Variants in UBXN8 observed in about 807,000 individuals in gnomAD.
UBXN8 encodes UBX domain protein 8.
UBXN8 carries 27 observed loss-of-function variants against 32.1 expected under a neutral mutation model. The observed-to-expected ratio is 0.84, with a 90% CI of 0.62 to 1.16. The LOEUF (loss-of-function observed/expected upper bound fraction) is 1.16, where lower values mean the gene tolerates loss of function less well. Ranked by LOEUF, UBXN8 falls within the 50% of genes most tolerant of loss-of-function variation. The pLI, the probability that UBXN8 is intolerant of heterozygous loss-of-function variation, is 0.00. For missense variants in UBXN8, 306 were observed against 311.4 expected (o/e 0.98, Z 0.13); for synonymous variants, 109 against 111.8 (o/e 0.98, Z 0.16).
At chr8:30,742,554 G>A (rs1489045525), upstream of UBXN8, among the ~76,000 whole-genome samples, 3 of 152,016 alleles carry the variant, frequency 2.0e-5, no homozygotes, top group Non-Finnish European at 2.9e-5. Context: ...GTTGCCCAGA[G>A]GGGTCTCGAA....
At chr8:30,732,313 C>G (rs558680075), upstream of UBXN8, 3 of 398,322 alleles carry the variant, frequency 7.5e-6, no homozygotes, top group African/African-American at 6.2e-5. Context: ...ACTCCGGCAC[C>G]TGGAGGACTG....
chr8:30,766,594 T>G lies in UBXN8; in HGVS notation c.*200T>G, dbSNP rs1806014168. The G allele has an allele frequency of 5.2e-6, 2 of 381,080 alleles. No homozygotes were observed. The highest frequency in any genetic ancestry group is 1.5e-4 in the South Asian group (2 of 13,726). The allele number at this position is 381,080 out of a possible 1,614,324, so 23.6% of individuals were successfully genotyped here. On this transcript the variant is annotated 3_prime_UTR_variant, in exon 8 of 8. Transcript: ENST00000265616. ...ATCTGTGGACTGTGCCATTTTACAGTGTACCAAATGAGAATGAGGTTGAAA... is the reference window on the plus strand; with the variant it reads ...ATCTGTGGACTGTGCCATTTTACAGGGTACCAAATGAGAATGAGGTTGAAA...
rs771180378 is a variant in UBXN8 at position 30,754,696 on chromosome 8, C to T, written c.314C>T (p.Pro105Leu). The T allele has an allele frequency of 9.0e-6, 14 of 1,561,700 alleles. No individual in the cohort carries two copies. The highest frequency in any genetic ancestry group is 1.7e-4 in the Middle Eastern group (1 of 5,922). ...ASRYIENVLK[P>L]HQEMKLRKLE... ...AGATACATAGAGAATGTTTTAAAAC[C>T]TCACCAGGAAATGAAATTGAGAAAA... The change falls in exon 4 of 8, where the codon CCT becomes CTT. Residue 105 changes from proline to leucine, a missense_variant. By Grantham distance (98) the Pro-to-Leu change is moderately conservative. Coordinates refer to ENST00000265616, the MANE Select transcript of UBXN8 (RefSeq NM_005671.4).
chr8:30,766,561 A>G lies in UBXN8; in HGVS notation c.*167A>G. On this transcript the variant is annotated 3_prime_UTR_variant, in exon 8 of 8. Transcript: ENST00000265616. ...GGATTAGAAAAGGATTGCTTTCTAT[A>G]TATAATAATCTGTGGACTGTGCCAT... 3.0e-6 allele frequency: 2 copies of G among 659,786 alleles called. No individual in the cohort carries two copies. Among genetic ancestry groups the G allele is most frequent in the Non-Finnish European group, 4.6e-6 (2 of 434,722 alleles). 40.9% of individuals were successfully genotyped at this position (659,786 alleles called of 1,614,324 possible).
At chr8:30,747,894 C>CTTTTTTTTT (rs67334347) in intron 1 of UBXN8, among the ~76,000 whole-genome samples, 103 of 35,626 alleles carry the variant, frequency 2.9e-3, no homozygotes, top group Non-Finnish European at 3.8e-3. Context: ...TATATTTTTT[C>CTTTTTTTTT]TTTTTTTTTT....
At chr8:30,729,692 T>TA (rs753209620), upstream of UBXN8, among the ~76,000 whole-genome samples, 3 of 152,196 alleles carry the variant, frequency 2.0e-5, no homozygotes, top group Non-Finnish European at 4.4e-5. Flanking sequence ...AGAAGGGATT[T>TA]AATGGCGACT....
At chr8:30,743,661 G>A (rs371317405), upstream of UBXN8, among the ~76,000 whole-genome samples, 65 of 152,212 alleles carry the variant, frequency 4.3e-4, no homozygotes, top group African/African-American at 1.5e-3. Flanking sequence ...GTGCGTGTTA[G>A]GGGGCAGGTA....
intron 5 of UBXN8, among the ~76,000 whole-genome samples, chr8:30,757,516 C>A (rs1805695194): frequency 6.6e-6 from 1 of 151,812 alleles, no homozygotes; most frequent in Middle Eastern, 3.4e-3. Flanking sequence ...TGCACCATTG[C>A]ACTCCAGCCT....
At chr8:30,758,129 C>A (rs1266053986) in intron 5 of UBXN8, among the ~76,000 whole-genome samples, 2 of 152,104 alleles carry the variant, frequency 1.3e-5, no homozygotes, top group Non-Finnish European at 2.9e-5. Context: ...ATCTCCTGAC[C>A]ACGTGATCCG....
At chr8:30,760,767 GAAGAA>G in intron 5 of UBXN8, 116 bp from the exon 6 acceptor site, 1 of 647,514 alleles carries the variant, frequency 1.5e-6, no homozygotes. Flanking sequence ...ATAGATGTAT[GAAGAA>G]AAGATATAAG....
At chr8:30,731,029 C>G (rs1804938775), upstream of UBXN8, among the ~76,000 whole-genome samples, 1 of 152,174 alleles carries the variant, frequency 6.6e-6, no homozygotes, top group Non-Finnish European at 1.5e-5. Flanking sequence ...GGAAGGGGGG[C>G]CCCGGGAAAG....
intron 1 of UBXN8, among the ~76,000 whole-genome samples, chr8:30,749,473 C>T (rs1307587069): frequency 1.3e-5 from 2 of 151,606 alleles, no homozygotes; most frequent in Non-Finnish European, 2.9e-5. Flanking sequence ...GCATGTAAAT[C>T]GTAATTTTAC....
chr8:30,740,178 C>T (rs373388994), upstream of UBXN8, among the ~76,000 whole-genome samples: 3 of 151,834 alleles, frequency 2.0e-5, no homozygotes, highest in Admixed American at 6.6e-5. Flanking sequence ...AGGCATGAGC[C>T]GCCACGGTCA....
intron 5 of UBXN8, among the ~76,000 whole-genome samples, chr8:30,757,530 C>G (rs9773192): frequency 0.026 from 3,872 of 151,214 alleles, 167 homozygotes; most frequent in African/African-American, 0.09. Flanking sequence ...CCAGCCTGGA[C>G]AACAGTAGTG....
upstream of UBXN8, among the ~76,000 whole-genome samples, chr8:30,729,237 G>C (rs907554819): frequency 1.3e-5 from 2 of 152,234 alleles, no homozygotes; most frequent in Non-Finnish European, 2.9e-5. Flanking sequence ...CAATTGCCCC[G>C]GTGGAACGCC....
chr8:30,765,519 G>T (rs533856976), intron 7 of UBXN8, among the ~76,000 whole-genome samples: 1 of 123,690 alleles, frequency 8.1e-6, no homozygotes. Flanking sequence ...TATATGTTTC[G>T]GGAAAAAAAA....
At chr8:30,741,293 G>A (rs534505939), upstream of UBXN8, among the ~76,000 whole-genome samples, 1 of 152,156 alleles carries the variant, frequency 6.6e-6, no homozygotes, top group South Asian at 2.1e-4. Context: ...GGCTGAGGCA[G>A]GAGGACTGCT....
upstream of UBXN8, among the ~76,000 whole-genome samples, chr8:30,741,889 T>G (rs1290064234): frequency 6.6e-6 from 1 of 152,214 alleles, no homozygotes; most frequent in Non-Finnish European, 1.5e-5. Flanking sequence ...TGGCTTCCCA[T>G]ATGTTAAGAC....
chr8:30,761,680 C>T (rs1323943184), intron 6 of UBXN8, among the ~76,000 whole-genome samples: 1 of 151,632 alleles, frequency 6.6e-6, no homozygotes, highest in Non-Finnish European at 1.5e-5. Context: ...CAAGACCAGC[C>T]TGGGCAACAT....
Sources: gnomAD v4.1 joint callset for allele counts (sites outside exome capture counted in the v4.1 genomes callset) on GRCh38, gnomAD v4.1.1 for gene constraint, MANE v1.5 for transcripts, NCBI Gene and HGNC (gene_info 2026-07-23, HGNC 2026-07-21) for gene names.